PTPN13: variants seen among roughly 807,000 people sequenced by gnomAD.
PTPN13 encodes the protein protein tyrosine phosphatase non-receptor type 13, also known as tyrosine-protein phosphatase non-receptor type 13.
A neutral mutation model predicts 284.0 loss-of-function variants in PTPN13; 191 were observed. The observed-to-expected ratio is 0.67, with a 90% confidence interval of 0.60 to 0.76. The LOEUF is 0.76. PTPN13 is among the 30% of genes least tolerant of loss of function. The probability of loss-of-function intolerance (pLI) is 0.00; values close to 1 mark genes in which losing one functional copy is unlikely to be tolerated. For synonymous variants in PTPN13, 986 were observed against 1,022.3 expected (o/e 0.96, Z 0.68); for missense variants, 2,797 against 2,939.9 (o/e 0.95, Z 1.12).
intron 2 of PTPN13, among the ~76,000 whole-genome samples, chr4:86,649,901 T>C (rs1348009111): frequency 6.6e-6 from 1 of 152,208 alleles, no homozygotes; most frequent in Non-Finnish European, 1.5e-5. Context: ...ATTTAAACAT[T>C]TAAGCAATAT....
intron 43 of PTPN13, 41 bp from the exon 44 acceptor site, chr4:86,805,237 AC>A: frequency 2.3e-6 from 3 of 1,323,548 alleles, no homozygotes; most frequent in Non-Finnish European, 3.2e-6. Flanking sequence ...TTACTGAATT[AC>A]TGCTTATCTC....
chr4:86,786,996 T>G (rs1448569517), intron 40 of PTPN13, among the ~76,000 whole-genome samples: 2 of 151,466 alleles, frequency 1.3e-5, no homozygotes, highest in Non-Finnish European at 2.9e-5. Context: ...TCCCAGCCCC[T>G]CGGGAGGCTG....
chr4:86,691,800 G>A (rs1429082121), intron 5 of PTPN13, among the ~76,000 whole-genome samples: 1 of 152,140 alleles, frequency 6.6e-6, no homozygotes, highest in East Asian at 1.9e-4. Flanking sequence ...GTTGCCTCCA[G>A]TAGCTGACAG....
intron 15 of PTPN13, among the ~76,000 whole-genome samples, chr4:86,740,477 G>T (rs913288095): frequency 6.6e-6 from 1 of 152,000 alleles, no homozygotes; most frequent in African/African-American, 2.4e-5. Flanking sequence ...TGGGACACAG[G>T]GCACCAAGTC....
intron 7 of PTPN13, among the ~76,000 whole-genome samples, chr4:86,709,966 TATTC>T (rs1174422299): frequency 6.6e-6 from 1 of 152,234 alleles, no homozygotes; most frequent in Non-Finnish European, 1.5e-5. Flanking sequence ...TTAAAAATTT[TATTC>T]ATTATGTCTA....
At chr4:86,679,044 C>T (rs763030156) in intron 3 of PTPN13, among the ~76,000 whole-genome samples, 1 of 152,212 alleles carries the variant, frequency 6.6e-6, no homozygotes, top group Non-Finnish European at 1.5e-5. Flanking sequence ...GGATGGCCTT[C>T]AAGTTCGTAC....
intron 1 of PTPN13, among the ~76,000 whole-genome samples, chr4:86,622,451 C>A (rs971022705): frequency 2.0e-5 from 3 of 152,072 alleles, no homozygotes; most frequent in Non-Finnish European, 4.4e-5. Flanking sequence ...TACCTATTTG[C>A]TGTGAATTTA....
intron 40 of PTPN13, among the ~76,000 whole-genome samples, chr4:86,794,164 A>C (rs1743030483): frequency 6.6e-6 from 1 of 152,206 alleles, no homozygotes; most frequent in Non-Finnish European, 1.5e-5. Flanking sequence ...CCATCGTCTC[A>C]GTCCAAAATC....
intron 6 of PTPN13, among the ~76,000 whole-genome samples, chr4:86,694,430 A>T (rs930357773): frequency 2.6e-5 from 4 of 151,756 alleles, no homozygotes; most frequent in African/African-American, 9.7e-5. Context: ...AAATACAAAA[A>T]TTAGCCGGGC....
intron 7 of PTPN13, among the ~76,000 whole-genome samples, chr4:86,708,451 C>T (rs1732006565): frequency 6.6e-6 from 1 of 152,080 alleles, no homozygotes; most frequent in Admixed American, 6.6e-5. Context: ...CAAACCAATA[C>T]AGACTTTCCA....
chr4:86,637,418 C>G (rs1159491088), intron 2 of PTPN13, among the ~76,000 whole-genome samples: 1 of 151,434 alleles, frequency 6.6e-6, no homozygotes, highest in African/African-American at 2.4e-5. Context: ...AACATTGATG[C>G]AAAAATCCTC....
chr4:86,660,154 G>T (rs753923510), intron 2 of PTPN13, among the ~76,000 whole-genome samples: 2 of 152,134 alleles, frequency 1.3e-5, no homozygotes, highest in East Asian at 3.8e-4. Flanking sequence ...TAAAACAGTA[G>T]TATGTGAGAC....
At chr4:86,812,309 CAAAAAAAAAAAAAA>C (rs555017151) in intron 47 of PTPN13, among the ~76,000 whole-genome samples, 8 of 58,736 alleles carry the variant, frequency 1.4e-4, no homozygotes, top group Middle Eastern at 0.013. Flanking sequence ...GACTCCGTCT[CAAAAAAAAAAAAAA>C]AAAAAAAAAA....
chr4:86,731,354 A>G (rs1410422015), intron 10 of PTPN13, among the ~76,000 whole-genome samples: 1 of 152,210 alleles, frequency 6.6e-6, no homozygotes, highest in African/African-American at 2.4e-5. Flanking sequence ...CCAAAACCCC[A>G]GAATATACAA....
chr4:86,651,017 G>GT (rs1300179766), intron 2 of PTPN13, among the ~76,000 whole-genome samples: 12 of 152,254 alleles, frequency 7.9e-5, no homozygotes, highest in African/African-American at 2.2e-4. Context: ...AAAGCTTTCA[G>GT]TTTTTCCCCA....
chr4:86,683,463 G>A (rs768605518), intron 3 of PTPN13, among the ~76,000 whole-genome samples: 1 of 152,140 alleles, frequency 6.6e-6, no homozygotes, highest in Non-Finnish European at 1.5e-5. Context: ...TTACTCAGAG[G>A]AGAGTTGACC....
intron 7 of PTPN13, among the ~76,000 whole-genome samples, chr4:86,714,632 A>G (rs111753029): frequency 6.6e-6 from 1 of 152,054 alleles, no homozygotes; most frequent in African/African-American, 2.4e-5. Context: ...AATTCTTACC[A>G]TCTAGTCCTT....
chr4:86,641,104 A>G (rs1016870160), intron 2 of PTPN13, among the ~76,000 whole-genome samples: 3 of 152,104 alleles, frequency 2.0e-5, no homozygotes, highest in African/African-American at 4.8e-5. Context: ...TCTTTTTTGT[A>G]TATTTGATCA....
At chr4:86,647,753 A>G (rs1445235061) in intron 2 of PTPN13, among the ~76,000 whole-genome samples, 1 of 152,070 alleles carries the variant, frequency 6.6e-6, no homozygotes, top group Admixed American at 6.5e-5. Context: ...TAGTGTCCTT[A>G]TAAGAAGAGG....
Sources: allele counts gnomAD v4.1 joint callset (sites outside exome capture counted in the v4.1 genomes callset), GRCh38; gene constraint gnomAD v4.1.1; transcripts MANE v1.5; gene names NCBI Gene and HGNC (gene_info 2026-07-23, HGNC 2026-07-21).